BRD3: variants seen among roughly 807,000 people sequenced by gnomAD.
BRD3 encodes bromodomain containing 3.
Under a neutral mutation model 66.8 loss-of-function variants are expected in BRD3, and 17 were observed. The observed-to-expected ratio is 0.25, with a 90% CI of 0.17 to 0.38. The LOEUF (loss-of-function observed/expected upper bound fraction) is 0.38. Among genes scored for constraint, BRD3 ranks in the 10% least tolerant of loss-of-function variants. The probability of loss-of-function intolerance (pLI) is 1.00; values close to 1 mark genes in which losing one functional copy is unlikely to be tolerated. For synonymous variants in BRD3, 421 were observed against 393.2 expected, an observed-to-expected ratio of 1.07 and a Z score of -0.84; for missense variants, 713 against 956.1, an observed-to-expected ratio of 0.75 and a Z score of 3.35.
At chr9:134,050,208 A>G (rs1306698652) in intron 5 of BRD3, among the ~76,000 whole-genome samples, 166 bp downstream of exon 5, 1 of 152,172 alleles carries the variant, frequency 6.6e-6, no homozygotes, top group Non-Finnish European at 1.5e-5. Flanking sequence ...AGGTCTCCTC[A>G]TCTGTGTCAG....
rs867473092 is a variant in BRD3, at chr9:134,031,468, A to G, written c.*2122T>C. On this transcript the variant is annotated 3_prime_UTR_variant, in exon 12 of 12. Transcript: ENST00000303407. ...TCCTTAAATTCGGTTTAAATAGTCCATTAAAGATCTGTTTAGAAAATACCT... is the reference window on the plus strand; with the variant it reads ...TCCTTAAATTCGGTTTAAATAGTCCGTTAAAGATCTGTTTAGAAAATACCT... The G allele has an allele frequency of 4.4e-5, 9 of 202,494 alleles. No individual in the cohort carries two copies. The highest frequency in any genetic ancestry group is 1.6e-3 in the Middle Eastern group (1 of 634). The allele number at this position is 202,494 out of a possible 1,614,324, so 12.5% of individuals were successfully genotyped here.
Position 134,034,664 on chromosome 9 carries a change from C to T in BRD3, c.2065+37G>A, listed in dbSNP as rs543423463. The T allele has an allele frequency of 3.8e-6, 6 of 1,599,458 alleles. No individual in the cohort carries two copies. In the Admixed American group the frequency reaches 1.0e-4, roughly 27 times the overall value. Reference sequence around the variant, plus strand: ...CCCCTACTGCTGACACCCCCCACCCCCCTAAAGAGGGGTGGCACAGCGGCC... The same window carrying T: ...CCCCTACTGCTGACACCCCCCACCCTCCTAAAGAGGGGTGGCACAGCGGCC... On this transcript the variant is annotated intron_variant, in intron 11 of 11. Coordinates refer to ENST00000303407, the MANE Select transcript of BRD3 (RefSeq NM_007371.4).
At chr9:134,058,572 G>C (rs1004184575) in intron 1 of BRD3, 2 of 152,320 alleles carry the variant, frequency 1.3e-5, no homozygotes, top group African/African-American at 4.8e-5. Flanking sequence ...CTCTACTCCT[G>C]TAGTGACTGT....
At position 134,053,734 on chromosome 9, in the gene BRD3, A is replaced by G. The variant is rs113896758; in HGVS notation, c.-113-144T>C. On this transcript the variant is annotated intron_variant, in intron 1 of 11. Coordinates refer to ENST00000303407, the MANE Select transcript of BRD3 (RefSeq NM_007371.4). ...ACTCACCCCCATTGCCCAGCCACCCAGGTGAGAGGCTGTCGGGAAAGCTGC... is the reference window on the plus strand; with the variant it reads ...ACTCACCCCCATTGCCCAGCCACCCGGGTGAGAGGCTGTCGGGAAAGCTGC... 3.2e-3 allele frequency: 2,160 copies of G among 669,794 alleles called. 40 individuals are homozygous for G. The African/African-American group carries it at 0.034, about 11-fold the overall frequency. 41.5% of individuals were successfully genotyped at this position (669,794 alleles called of 1,614,324 possible). A position where few individuals can be genotyped will look rare whatever the true frequency, so the allele number is the denominator to read the frequency against.
At chr9:134,050,684 C>G in intron 4 of BRD3, 96 bp from the exon 5 acceptor site, 1 of 1,024,912 alleles carries the variant, frequency 9.8e-7, no homozygotes, top group Non-Finnish European at 1.4e-6. Flanking sequence ...CGGGTACCAG[C>G]TCTGTGCTGC....
In BRD3 at chr9:134,050,453, G is replaced by A. The variant is rs1208443277; in HGVS notation, c.635C>T (p.Pro212Leu). 1.2e-6 allele frequency: 2 copies of A among 1,612,302 alleles called. No individual in the cohort carries two copies. The highest frequency in any genetic ancestry group is 1.7e-5 in the Admixed American group (1 of 59,892). Residue 212 changes from proline (P) to leucine (L), a missense_variant, in exon 5 of 12, where the codon CCA becomes CTA. Physicochemically the swap from Pro to Leu is moderately conservative, Grantham distance 98. This residue lies in a region of BRD3 where 120 missense variants were observed against 122.8 expected (regional missense o/e 0.98). Transcript: ENST00000303407. ...PTITANVTSV[P>L]VPPAAAPPPP... is the part of the protein sequence containing the mutation. ...AGGTGGGGCGGCAGCTGGGGGGACT[G>A]GGACCGACGTGACGTTTGCAGTGAT...
chr9:134,040,048 C>G lies in BRD3; in HGVS notation c.1629G>C (p.Thr543=), dbSNP rs201072527. The stretch of plus-strand genomic sequence containing the variant: ...CTGGAGCCCACCTGCCGGCCGTGGT[C>G]GTGCTGTTGGCCTTCTTGGCAGGAG... ...KKAPAKKANS[T]TTAGRQLKKG... Residue 543 remains threonine (T), a synonymous_variant, in exon 9 of 12, where the codon ACG becomes ACC. Coordinates refer to ENST00000303407, the MANE Select transcript of BRD3 (RefSeq NM_007371.4). The G allele has an allele frequency of 1.9e-6, 3 of 1,592,022 alleles. No individual in the cohort carries two copies. The highest frequency in any genetic ancestry group is 1.1e-5 in the South Asian group (1 of 88,064).
At chr9:134,047,282 G>C (rs1830191856) in intron 6 of BRD3, among the ~76,000 whole-genome samples, 1 of 152,258 alleles carries the variant, frequency 6.6e-6, no homozygotes, top group Non-Finnish European at 1.5e-5. Context: ...GCTCTTCCCA[G>C]GGCCGCACGG....
intron 3 of BRD3, 124 bp from the exon 4 acceptor site, chr9:134,051,833 A>G: frequency 1.3e-5 from 13 of 973,388 alleles, no homozygotes; most frequent in Non-Finnish European, 1.9e-5. Flanking sequence ...CGCAGGAGAG[A>G]ACAAAATGAA....
In BRD3 at chr9:134,032,057, T is replaced by G; in HGVS notation, c.*1533A>C. Reference sequence around the variant, plus strand: ...TGGAGGCTGGCAGGGAGCAGGCATGTCCACCCGCAAGCCTGGGAGGCTAAC... The same window carrying G: ...TGGAGGCTGGCAGGGAGCAGGCATGGCCACCCGCAAGCCTGGGAGGCTAAC... On this transcript the variant is annotated 3_prime_UTR_variant, in exon 12 of 12. Transcript: ENST00000303407. 4.6e-6 allele frequency: 1 copy of G among 218,546 alleles called. No homozygotes were observed. Among genetic ancestry groups the G allele is most frequent in the Non-Finnish European group, 9.2e-6 (1 of 108,668 alleles). The allele number at this position is 218,546 out of a possible 1,614,324, so 13.5% of individuals were successfully genotyped here. A position where few individuals can be genotyped will look rare whatever the true frequency, so the allele number is the denominator to read the frequency against.
chr9:134,046,282 C>G (rs571742614), intron 6 of BRD3, among the ~76,000 whole-genome samples: 67 of 152,322 alleles, frequency 4.4e-4, no homozygotes, highest in Admixed American at 1.2e-3. Flanking sequence ...CTAGTTGGGG[C>G]AAAGAGAGGT....
At chr9:134,063,013 C>T (rs886818235) in intron 1 of BRD3, among the ~76,000 whole-genome samples, 5 of 152,212 alleles carry the variant, frequency 3.3e-5, no homozygotes, top group South Asian at 4.1e-4. Flanking sequence ...TCCTCTCAGC[C>T]GGCCTGACAA....
At chr9:134,051,895 T>TG (rs1564555947) in intron 3 of BRD3, among the ~76,000 whole-genome samples, 186 bp from the exon 4 acceptor site, 56 of 111,024 alleles carry the variant, frequency 5.0e-4, no homozygotes, top group African/African-American at 2.4e-3. Flanking sequence ...TTTTGTTTTT[T>TG]TTTTTTTTTT....
intron 4 of BRD3, among the ~76,000 whole-genome samples, chr9:134,050,996 G>A (rs1322868218): frequency 6.6e-6 from 1 of 152,184 alleles, no homozygotes; most frequent in Non-Finnish European, 1.5e-5. Flanking sequence ...GCGACGGCCC[G>A]TGGCCCTGGC....
chr9:134,066,835 T>C (rs2427964), intron 1 of BRD3, among the ~76,000 whole-genome samples: 48,849 of 152,096 alleles, frequency 0.32, 8,067 homozygotes, highest in East Asian at 0.54. Context: ...CAGAAAGCTT[T>C]CAACCAAAAT....
intron 9 of BRD3, among the ~76,000 whole-genome samples, chr9:134,039,665 G>T (rs186080160): frequency 6.6e-6 from 1 of 152,240 alleles, no homozygotes; most frequent in Non-Finnish European, 1.5e-5. Context: ...GAATGCAGCT[G>T]TGCACGATTC....
Position 134,050,462 on chromosome 9 carries a change from G to A in BRD3, c.626C>T (p.Thr209Met), listed in dbSNP as rs758751730. 1.2e-5 allele frequency: 19 copies of A among 1,612,312 alleles called. No individual in the cohort carries two copies. The highest frequency in any genetic ancestry group is 1.6e-5 in the Non-Finnish European group (19 of 1,179,510). ...TPVPTITANV[T>M]SVPVPPAAAP... ...GGCAGCTGGGGGGACTGGGACCGAC[G>A]TGACGTTTGCAGTGATGGTTGGTAC... Residue 209 changes from threonine (T) to methionine (M), a missense_variant, in exon 5 of 12, where the codon ACG becomes ATG. Transcript: ENST00000303407.
Position 134,048,220 on chromosome 9 carries a change from T to G in BRD3, c.949A>C (p.Ser317Arg). 6.2e-7 allele frequency: 1 copy of G among 1,612,922 alleles called. No homozygotes were observed. Among genetic ancestry groups the G allele is most frequent in the South Asian group, 1.1e-5 (1 of 91,050 alleles). Residue 317 changes from serine to arginine, a missense_variant, in exon 6 of 12, where the codon AGC (serine) becomes CGC (arginine). Around this residue, in one of 5 missense-constraint regions of BRD3, gnomAD observed 418 missense variants for 609.3 expected, o/e 0.69. Transcript: ENST00000303407. ...TTGGATAGCATCTCCCTGAGGATGC[T>G]GTCGCAGTAGCGTAGGTGCTCCGAC... ...KLSEHLRYCD[S>R]ILREMLSKKH...
rs763242836 is a variant in BRD3 at position 134,048,461 on chromosome 9, C to T, written c.715-7G>A. 10 of 1,598,360 alleles carry T rather than the reference C, an allele frequency of 6.3e-6. No individual in the cohort carries two copies. Among genetic ancestry groups the T allele is most frequent in the Non-Finnish European group, 8.5e-6 (10 of 1,179,862 alleles). Reference sequence around the variant, plus strand: ...TCCGCTTCACGCCCTTTTTCTGCGACAGTGAAATAACCAGTGAACCCCGGA... The same window carrying T: ...TCCGCTTCACGCCCTTTTTCTGCGATAGTGAAATAACCAGTGAACCCCGGA... On this transcript the variant is annotated splice_region_variant and splice_polypyrimidine_tract_variant and intron_variant, in intron 5 of 11. Coordinates refer to ENST00000303407, the MANE Select transcript of BRD3 (RefSeq NM_007371.4).
Sources: allele counts gnomAD v4.1 joint callset (sites outside exome capture counted in the v4.1 genomes callset), GRCh38; gene constraint gnomAD v4.1.1; regional missense constraint gnomAD v4.1.1; transcripts MANE v1.5; gene names NCBI Gene and HGNC (gene_info 2026-07-23, HGNC 2026-07-21).